SRGAP1: variants seen among roughly 807,000 people sequenced by gnomAD.
The protein encoded by SRGAP1 is SLIT-ROBO Rho GTPase activating protein 1, also known as SLIT-ROBO Rho GTPase-activating protein 1.
In SRGAP1, 43 loss-of-function variants were observed where a neutral mutation model predicts 121.9. That is an observed-to-expected ratio of 0.35 (90% CI 0.28 to 0.46). The LOEUF (loss-of-function observed/expected upper bound fraction) is 0.46. SRGAP1 is among the 20% of genes least tolerant of loss of function. The pLI is 1.00. For synonymous variants in SRGAP1, 447 were observed against 485.4 expected, an observed-to-expected ratio of 0.92 and a Z score of 1.04; for missense variants, 1,102 against 1,350.9, an observed-to-expected ratio of 0.82 and a Z score of 2.89.
chr12:63,928,631 T>C (rs1422880531), intron 1 of SRGAP1, among the ~76,000 whole-genome samples: 1 of 151,974 alleles, frequency 6.6e-6, no homozygotes, highest in Non-Finnish European at 1.5e-5. Flanking sequence ...CTGGTTTCAT[T>C]GAAGATGATT....
At chr12:64,034,048 G>A (rs1198764458) in intron 4 of SRGAP1, among the ~76,000 whole-genome samples, 1 of 152,068 alleles carries the variant, frequency 6.6e-6, no homozygotes, top group African/African-American at 2.4e-5. Flanking sequence ...TAAATAAAGA[G>A]CTTTGCTAAA....
Position 64,002,371 on chromosome 12 carries a change from G to T in SRGAP1, c.426+12299G>T, listed in dbSNP as rs377355804. Reference sequence around the variant, plus strand: ...CAAGAGGGTGGGGCAACAACCTGTTGTTTTATTTTCTGTCTGTCCTGCTGC... The same window carrying T: ...CAAGAGGGTGGGGCAACAACCTGTTTTTTTATTTTCTGTCTGTCCTGCTGC... On this transcript the variant is annotated intron_variant, in intron 3 of 21. Coordinates refer to ENST00000355086, the MANE Select transcript of SRGAP1 (RefSeq NM_020762.4). Among the ~76,000 whole-genome samples, 749 of 152,262 alleles carry T rather than the reference G, an allele frequency of 4.9e-3. 5 individuals carry two copies. Among genetic ancestry groups the T allele is most frequent in the African/African-American group, 0.017 (686 of 41,548 alleles).
At chr12:64,011,435 A>C (rs889590988) in intron 3 of SRGAP1, among the ~76,000 whole-genome samples, 3 of 152,170 alleles carry the variant, frequency 2.0e-5, no homozygotes, top group Non-Finnish European at 4.4e-5. Context: ...CCTTTTAAAA[A>C]ATAATCTTCT....
intron 21 of SRGAP1, among the ~76,000 whole-genome samples, chr12:64,141,842 T>G (rs919238710): frequency 6.6e-6 from 1 of 151,928 alleles, no homozygotes; most frequent in African/African-American, 2.4e-5. Context: ...TCCCAGCTAC[T>G]CAGGAGGCTA....
At chr12:64,015,870 T>C (rs193191305) in intron 3 of SRGAP1, among the ~76,000 whole-genome samples, 3 of 152,212 alleles carry the variant, frequency 2.0e-5, no homozygotes, top group East Asian at 1.9e-4. Flanking sequence ...ACATTTTTTT[T>C]CCATTTTCTG....
intron 9 of SRGAP1, 33 bp downstream of exon 9, chr12:64,079,149 A>G: frequency 2.5e-6 from 4 of 1,612,134 alleles, no homozygotes; most frequent in Non-Finnish European, 3.4e-6. Flanking sequence ...CACTCTACAG[A>G]GCTCAGATCT....
rs371342267 is a variant in SRGAP1, at chr12:64,108,938, A to T, written c.1820A>T (p.Asp607Val). 2 of 1,595,832 alleles carry T rather than the reference A, an allele frequency of 1.3e-6. No individual in the cohort carries two copies. Among genetic ancestry groups the T allele is most frequent in the African/African-American group, 2.7e-5 (2 of 74,640 alleles). The change falls in exon 16 of 22, where the codon GAT becomes GTT. Residue 607 changes from aspartate (D) to valine (V), a missense_variant. Coordinates refer to ENST00000355086, the MANE Select transcript of SRGAP1 (RefSeq NM_020762.4). ...TGTCATCTTCTGTCTGTAGGAATAGATAATCTCTATGAGAGGGCGCTTCAC... is the reference window on the plus strand; with the variant it reads ...TGTCATCTTCTGTCTGTAGGAATAGTTAATCTCTATGAGAGGGCGCTTCAC... The part of the protein sequence containing the change: ...FNDLISCIRI[D>V]NLYERALHIR...
intron 1 of SRGAP1, among the ~76,000 whole-genome samples, chr12:63,949,200 T>C (rs2032195002): frequency 7.5e-6 from 1 of 133,158 alleles, no homozygotes; most frequent in Non-Finnish European, 1.6e-5. Context: ...TTTTTCCATA[T>C]ATATATATAT....
intron 1 of SRGAP1, chr12:63,982,614 A>G (rs539274679): frequency 2.0e-5 from 3 of 152,358 alleles, no homozygotes; most frequent in African/African-American, 7.2e-5. Flanking sequence ...AGGAATAGCA[A>G]GAAATTTAGA....
intron 4 of SRGAP1, among the ~76,000 whole-genome samples, chr12:64,020,804 C>T (rs1380176012): frequency 1.4e-5 from 2 of 141,104 alleles, no homozygotes; most frequent in Admixed American, 7.4e-5. Context: ...GATTGTGCCA[C>T]TGCACTCCAG....
chr12:63,886,253 G>A (rs892026701), intron 1 of SRGAP1, among the ~76,000 whole-genome samples: 4 of 151,992 alleles, frequency 2.6e-5, no homozygotes, highest in African/African-American at 4.8e-5. Context: ...GTAGAGATGG[G>A]GTTTAACCAT....
At chr12:64,047,868 A>G (rs1295918403) in intron 6 of SRGAP1, among the ~76,000 whole-genome samples, 1 of 152,198 alleles carries the variant, frequency 6.6e-6, no homozygotes, top group Non-Finnish European at 1.5e-5. Flanking sequence ...TAGTAGGTAT[A>G]TAAATTTATC....
chr12:63,859,629 C>T (rs1289051196), intron 1 of SRGAP1, among the ~76,000 whole-genome samples: 1 of 152,104 alleles, frequency 6.6e-6, no homozygotes, highest in Non-Finnish European at 1.5e-5. Flanking sequence ...AATATAAGCA[C>T]TTAAGATAAT....
chr12:64,011,083 A>C (rs1355554772), intron 3 of SRGAP1, among the ~76,000 whole-genome samples: 2 of 151,950 alleles, frequency 1.3e-5, no homozygotes, highest in Non-Finnish European at 2.9e-5. Context: ...AAGTACAGAG[A>C]TGGGAAAGCG....
intron 1 of SRGAP1, among the ~76,000 whole-genome samples, chr12:63,931,828 T>G (rs948945037): frequency 2.0e-5 from 3 of 152,168 alleles, no homozygotes; most frequent in Non-Finnish European, 4.4e-5. Flanking sequence ...GGGGATTATT[T>G]TCTAGAAGGG....
At chr12:64,023,259 T>C (rs911665908) in intron 4 of SRGAP1, among the ~76,000 whole-genome samples, 3 of 135,438 alleles carry the variant, frequency 2.2e-5, no homozygotes, top group African/African-American at 8.4e-5. Context: ...ACTACGTTGA[T>C]AGTAAATGTT....
chr12:64,148,256 T>TCC lies in SRGAP1; in HGVS notation c.*5587_*5588dup, dbSNP rs1309426686. On this transcript the variant is annotated 3_prime_UTR_variant, in exon 22 of 22. Transcript: ENST00000355086. ...TAGGTTATTTTTCTGTGCTTAGAAC[T>TCC]CCCCGTGTATTGGTATTTTTCTTTA... 1.3e-5 allele frequency: 2 copies of TCC among 150,940 alleles called. No homozygotes were observed. The highest frequency in any genetic ancestry group is 2.9e-5 in the Non-Finnish European group (2 of 67,852). 9.4% of individuals were successfully genotyped at this position (150,940 alleles called of 1,614,324 possible).
rs1256799574 is a variant in SRGAP1 at position 64,144,918 on chromosome 12, C to T, written c.*2246C>T. ...AGAGTACAGTGGTGCAATCTCGGCT[C>T]CCTGCAACCTCCATCTCCCGGGTTC... On this transcript the variant is annotated 3_prime_UTR_variant, in exon 22 of 22. Coordinates refer to ENST00000355086, the MANE Select transcript of SRGAP1 (RefSeq NM_020762.4). 3 of 142,834 alleles carry T rather than the reference C, an allele frequency of 2.1e-5. No homozygotes were observed. Among genetic ancestry groups the T allele is most frequent in the African/African-American group, 8.0e-5 (3 of 37,548 alleles). 8.8% of individuals were successfully genotyped at this position (142,834 alleles called of 1,614,324 possible). A position where few individuals can be genotyped will look rare whatever the true frequency, so the allele number is the denominator to read the frequency against.
At chr12:63,893,572 C>A (rs1351128187) in intron 1 of SRGAP1, among the ~76,000 whole-genome samples, 1 of 152,154 alleles carries the variant, frequency 6.6e-6, no homozygotes, top group Non-Finnish European at 1.5e-5. Context: ...AATTTGACAG[C>A]TGAAAATGCC....
Sources: allele counts gnomAD v4.1 joint callset (sites outside exome capture counted in the v4.1 genomes callset), GRCh38; gene constraint gnomAD v4.1.1; transcripts MANE v1.5; gene names NCBI Gene and HGNC (gene_info 2026-07-23, HGNC 2026-07-21).